Variants in LIPC observed in about 807,000 individuals in gnomAD.
The protein encoded by LIPC is lipase C, hepatic type, also known as hepatic triacylglycerol lipase.
In LIPC, 44 loss-of-function variants were observed where a neutral mutation model predicts 50.7. The ratio of observed to expected loss-of-function variants is 0.87; its 90% confidence interval spans 0.68 to 1.11. The LOEUF (loss-of-function observed/expected upper bound fraction) is 1.11. Among genes scored for constraint, LIPC ranks in the 50% most tolerant of loss-of-function variants. LIPC has a pLI of 0.00. For missense variants in LIPC, 697 were observed against 648.2 expected (o/e 1.08, Z -0.82); for synonymous variants, 271 against 256.4 (o/e 1.06, Z -0.54).
Position 58,485,910 on chromosome 15 carries a change from C to T in LIPC, c.89-52423C>T, listed in dbSNP as rs143771461. 8.2e-3 allele frequency among the ~76,000 whole-genome samples: 1,243 copies of T among 152,298 alleles called. 4 individuals are homozygous for T. Among genetic ancestry groups the T allele is most frequent in the Non-Finnish European group, 0.012 (828 of 68,022 alleles). ...GCACATTCTGTGGGCTGTGTGAGGA[C>T]GTCGGCAAGGGAACAGACTAAGATG... is the stretch of plus-strand genomic sequence containing the variant. On this transcript the variant is annotated intron_variant, in intron 1 of 8. Transcript: ENST00000299022.
In LIPC at chr15:58,494,823, G is replaced by A. The variant is rs745760700; in HGVS notation, c.89-43510G>A. ...TTCTTGCTAGTTCTTGCTTGGAAAT[G>A]ATCTGTTTCTTCATCTGAATGTCCT... On this transcript the variant is annotated intron_variant, in intron 1 of 8. Transcript: ENST00000299022. The A allele has an allele frequency of 1.3e-4, 61 of 456,126 alleles. 1 individual carries two copies. Among genetic ancestry groups the A allele is most frequent in the Non-Finnish European group, 2.2e-4 (49 of 226,964 alleles). The allele number at this position is 456,126 out of a possible 1,614,324, so 28.3% of individuals were successfully genotyped here.
intron 1 of LIPC, among the ~76,000 whole-genome samples, chr15:58,489,492 G>T (rs1002236101): frequency 2.6e-5 from 4 of 152,102 alleles, no homozygotes; most frequent in African/African-American, 9.7e-5. Flanking sequence ...GGTTGGGGAT[G>T]AAATCATAGG....
intron 1 of LIPC, among the ~76,000 whole-genome samples, chr15:58,534,366 G>T (rs150146592): frequency 3.9e-5 from 6 of 152,136 alleles, no homozygotes; most frequent in African/African-American, 1.2e-4. Flanking sequence ...AGGAATAAGC[G>T]ACAGACTCTG....
intron 1 of LIPC, chr15:58,432,355 A>G (rs1893152944): frequency 5.3e-6 from 3 of 569,560 alleles, no homozygotes; most frequent in Non-Finnish European, 9.4e-6. Flanking sequence ...TGCAGCTAGC[A>G]GTGAAGTCTC....
At chr15:58,463,598 C>T (rs1385381199) in intron 1 of LIPC, among the ~76,000 whole-genome samples, 1 of 152,226 alleles carries the variant, frequency 6.6e-6, no homozygotes, top group Non-Finnish European at 1.5e-5. Flanking sequence ...TGCCCCTCCT[C>T]TAACCAGGAA....
Position 58,567,214 on chromosome 15 carries a change from A to ATATATAT in LIPC, c.1389-1502_1389-1501insTATATAT, listed in dbSNP as rs1555408053. Among the ~76,000 whole-genome samples, 286 of 136,722 alleles carry ATATATAT rather than the reference A, an allele frequency of 2.1e-3. 8 individuals carry two copies. The highest frequency in any genetic ancestry group is 7.6e-3 in the African/African-American group (280 of 36,824). 89.7% of individuals were successfully genotyped at this position (136,722 alleles called of 152,430 possible). ...AGACTCCGTCTCAAAAAAAATAAAA[A>ATATATAT]ATATATATATATATATGTATATATG... is the stretch of plus-strand genomic sequence containing the variant. On this transcript the variant is annotated intron_variant, in intron 8 of 8. Transcript: ENST00000299022.
intron 8 of LIPC, 89 bp downstream of exon 8, chr15:58,563,812 T>G: frequency 9.2e-7 from 1 of 1,082,592 alleles, no homozygotes; most frequent in Non-Finnish European, 1.4e-6. Flanking sequence ...ATTCATCATG[T>G]GAGGTGAGTA....
chr15:58,508,242 G>A (rs527605765), intron 1 of LIPC, among the ~76,000 whole-genome samples: 2 of 152,024 alleles, frequency 1.3e-5, no homozygotes, highest in South Asian at 2.1e-4. Context: ...GGCCAAGGGT[G>A]GGGGGTAGGG....
At chr15:58,505,927 C>G (rs1892132260) in intron 1 of LIPC, among the ~76,000 whole-genome samples, 1 of 152,218 alleles carries the variant, frequency 6.6e-6, no homozygotes, top group African/African-American at 2.4e-5. Context: ...CCCGCGAGCT[C>G]CCTCCTCACA....
At chr15:58,567,008 G>A (rs1595962391) in intron 8 of LIPC, among the ~76,000 whole-genome samples, 2 of 151,708 alleles carry the variant, frequency 1.3e-5, no homozygotes, top group Non-Finnish European at 2.9e-5. Flanking sequence ...GTGGACACCA[G>A]ATGTATAATA....
At chr15:58,436,525 G>C (rs1893302782) in intron 1 of LIPC, 1 of 281,912 alleles carries the variant, frequency 3.5e-6, no homozygotes, top group African/African-American at 2.2e-5. Flanking sequence ...TATAACTAAA[G>C]AAGAAATCGA....
At chr15:58,440,014 T>C (rs1372758439) in intron 1 of LIPC, among the ~76,000 whole-genome samples, 1 of 152,154 alleles carries the variant, frequency 6.6e-6, no homozygotes, top group Non-Finnish European at 1.5e-5. Context: ...GGGGTGAGAA[T>C]CAACATCCAC....
At chr15:58,445,791 C>T (rs1162828908) in intron 1 of LIPC, among the ~76,000 whole-genome samples, 1 of 152,196 alleles carries the variant, frequency 6.6e-6, no homozygotes, top group African/African-American at 2.4e-5. Context: ...ATAGAGACCC[C>T]ACTGGGCTGT....
At chr15:58,543,685 GGT>G (rs1403837213) in intron 4 of LIPC, among the ~76,000 whole-genome samples, 4 of 152,034 alleles carry the variant, frequency 2.6e-5, no homozygotes, top group African/African-American at 9.7e-5. Flanking sequence ...TGCCCAGGCT[GGT>G]GTGCAATGGC....
intron 6 of LIPC, among the ~76,000 whole-genome samples, 181 bp downstream of exon 6, chr15:58,548,753 G>A (rs1198349615): frequency 2.0e-5 from 3 of 152,182 alleles, no homozygotes; most frequent in Non-Finnish European, 4.4e-5. Context: ...CAAGAGTGTG[G>A]CCACCTTGCC....
At chr15:58,480,976 C>A (rs1289982443) in intron 1 of LIPC, among the ~76,000 whole-genome samples, 1 of 152,140 alleles carries the variant, frequency 6.6e-6, no homozygotes, top group Non-Finnish European at 1.5e-5. Context: ...TAGTCAAGAG[C>A]ATGGCACACA....
chr15:58,450,443 C>A (rs1329114531), intron 1 of LIPC, among the ~76,000 whole-genome samples: 1 of 152,140 alleles, frequency 6.6e-6, no homozygotes, highest in Non-Finnish European at 1.5e-5. Context: ...CATTAGAGAC[C>A]AATCATGGGA....
At chr15:58,468,016 C>G (rs1411622111) in intron 1 of LIPC, among the ~76,000 whole-genome samples, 1 of 152,118 alleles carries the variant, frequency 6.6e-6, no homozygotes, top group Non-Finnish European at 1.5e-5. Context: ...GGACCCACTT[C>G]CTATAAATGT....
Position 58,542,542 on chromosome 15 carries a change from G to T in LIPC, c.465G>T (p.Val155=), listed in dbSNP as rs690. The part of the protein sequence containing the change: ...AALLRWLEES[V]QLSRSHVHLI... ...CCGCTGCTGTCTTCCAGGAATCTGTGCAACTCTCTCGAAGCCATGTTCACC... is the reference window on the plus strand; with the variant it reads ...CCGCTGCTGTCTTCCAGGAATCTGTTCAACTCTCTCGAAGCCATGTTCACC... The change falls in exon 4 of 9, where the codon GTG becomes GTT. Residue 155 remains valine, a synonymous_variant. Transcript: ENST00000299022. 905,405 of 1,605,242 alleles carry T rather than the reference G, an allele frequency of 0.56. 260,334 individuals carry two copies. The highest frequency in any genetic ancestry group is 0.58 in the Non-Finnish European group (684,713 of 1,172,358).
Sources: gnomAD v4.1 joint callset for allele counts (sites outside exome capture counted in the v4.1 genomes callset) on GRCh38, gnomAD v4.1.1 for gene constraint, MANE v1.5 for transcripts, NCBI Gene and HGNC (gene_info 2026-07-23, HGNC 2026-07-21) for gene names.